BIVM: variants seen among roughly 807,000 people sequenced by gnomAD.
The protein encoded by BIVM is basic, immunoglobulin-like variable motif containing, also known as basic immunoglobulin-like variable motif-containing protein.
Under a neutral mutation model 61.4 loss-of-function variants are expected in BIVM, and 31 were observed. The ratio of observed to expected loss-of-function variants is 0.51; its 90% CI spans 0.38 to 0.68. BIVM has a LOEUF of 0.68. Among genes scored for constraint, BIVM ranks in the 30% least tolerant of loss-of-function variants. BIVM has a pLI of 0.00. For synonymous variants in BIVM, 189 were observed against 210.7 expected (o/e 0.90, Z 0.89); for missense variants, 526 against 596.0 (o/e 0.88, Z 1.22).
chr13:102,831,483 T>G, intron 7 of BIVM, 82 bp from the exon 8 acceptor site: 1 of 1,572,980 alleles, frequency 6.4e-7, no homozygotes, highest in South Asian at 1.2e-5. Flanking sequence ...TTTCTGTCCT[T>G]AAGCCCTTAA....
intron 9 of BIVM, among the ~76,000 whole-genome samples, chr13:102,835,206 C>T (rs1345501473): frequency 2.6e-5 from 4 of 151,992 alleles, no homozygotes; most frequent in Non-Finnish European, 5.9e-5. Context: ...TAGTGAGACC[C>T]TGTCTCTACA....
chr13:102,819,887 A>T (rs771727702), intron 4 of BIVM, among the ~76,000 whole-genome samples: 37 of 152,124 alleles, frequency 2.4e-4, no homozygotes, highest in Non-Finnish European at 4.1e-4. Context: ...TAATTTTTAG[A>T]CCACACTAAA....
chr13:102,838,871 C>T, intron 10 of BIVM, 132 bp downstream of exon 10: 5 of 871,196 alleles, frequency 5.7e-6, no homozygotes, highest in Non-Finnish European at 8.4e-6. Flanking sequence ...TTTAAGGACA[C>T]ACGGCTGTCT....
intron 4 of BIVM, among the ~76,000 whole-genome samples, chr13:102,818,647 C>G (rs1880036576): frequency 6.6e-6 from 1 of 152,100 alleles, no homozygotes; most frequent in African/African-American, 2.4e-5. Flanking sequence ...GGGAGAAATG[C>G]CCTGAGGGGA....
rs71292825 is a variant in BIVM at position 102,809,787 on chromosome 13, CT to C, written c.478+2056del. 7.9e-4 allele frequency among the ~76,000 whole-genome samples: 100 copies of C among 127,318 alleles called. 1 individual carries two copies. The highest frequency in any genetic ancestry group is 2.4e-3 in the African/African-American group (84 of 35,532). 83.5% of individuals were successfully genotyped at this position (127,318 alleles called of 152,430 possible). The stretch of plus-strand genomic sequence containing the variant: ...AAATCTCTTTCCTTTTCTTTTCTTT[CT>C]TTTTTTTTTTTTTCTGAGACAGAGT... On this transcript the variant is annotated intron_variant, in intron 3 of 10. Coordinates refer to ENST00000257336, the MANE Select transcript of BIVM (RefSeq NM_017693.4).
At chr13:102,820,815 AACTGGCAGTTAGTCAT>A in intron 4 of BIVM, 1 of 474,026 alleles carries the variant, frequency 2.1e-6, no homozygotes, top group Non-Finnish European at 3.7e-6. Flanking sequence ...CATCCACTTT[AACTGGCAGTTAGTCAT>A]ACTTAGCTAT....
chr13:102,803,318 C>A (rs374378316), intron 1 of BIVM, among the ~76,000 whole-genome samples: 1 of 151,980 alleles, frequency 6.6e-6, no homozygotes, highest in African/African-American at 2.4e-5. Context: ...GCCTGGCCAA[C>A]GTGGTGAAAC....
intron 9 of BIVM, among the ~76,000 whole-genome samples, chr13:102,838,125 A>AT (rs78185379): frequency 1.3e-5 from 2 of 152,258 alleles, no homozygotes; most frequent in Non-Finnish European, 1.5e-5. Flanking sequence ...TTGTAAATTG[A>AT]TTTTTTTAAA....
intron 10 of BIVM, 99 bp from the exon 11 acceptor site, chr13:102,839,473 G>C (rs902811638): frequency 1.4e-6 from 2 of 1,459,396 alleles, no homozygotes; most frequent in African/African-American, 2.8e-5. Context: ...TTCTGAGGCC[G>C]GTGAAGTAAA....
At chr13:102,830,817 C>T (rs1355240982) in intron 7 of BIVM, among the ~76,000 whole-genome samples, 1 of 152,126 alleles carries the variant, frequency 6.6e-6, no homozygotes, top group Non-Finnish European at 1.5e-5. Context: ...CTAACAGGCC[C>T]CCATCTCACA....
chr13:102,800,214 C>T (rs1878655307), intron 1 of BIVM, among the ~76,000 whole-genome samples: 1 of 152,224 alleles, frequency 6.6e-6, no homozygotes, highest in Admixed American at 6.5e-5. Flanking sequence ...ATCGGAGCCC[C>T]AGCTCTTAGC....
intron 1 of BIVM, among the ~76,000 whole-genome samples, chr13:102,801,245 ATTTTTT>A (rs34160315): frequency 7.0e-6 from 1 of 142,382 alleles, no homozygotes; most frequent in African/African-American, 2.7e-5. Flanking sequence ...TTAGTAGTAA[ATTTTTT>A]TTTTTTTTTT....
intron 3 of BIVM, among the ~76,000 whole-genome samples, chr13:102,810,219 A>G (rs1160297740): frequency 1.3e-5 from 2 of 152,116 alleles, no homozygotes; most frequent in Non-Finnish European, 1.5e-5. Flanking sequence ...GAAATCATAT[A>G]GTATTTGTCT....
intron 5 of BIVM, 142 bp from the exon 6 acceptor site, chr13:102,821,601 C>G (rs1880290428): frequency 1.4e-6 from 1 of 696,366 alleles, no homozygotes; most frequent in Non-Finnish European, 2.1e-6. Flanking sequence ...GAACCTGTCT[C>G]TAAAAAAATA....
At chr13:102,839,525 A>G (rs1404000002) in intron 10 of BIVM, 47 bp from the exon 11 acceptor site, 1 of 1,597,788 alleles carries the variant, frequency 6.3e-7, no homozygotes, top group Non-Finnish European at 8.5e-7. Flanking sequence ...AAATTAGTAC[A>G]ATTAATTTCC....
At chr13:102,827,798 C>A (rs145025235) in intron 7 of BIVM, among the ~76,000 whole-genome samples, 10 of 152,276 alleles carry the variant, frequency 6.6e-5, no homozygotes, top group Non-Finnish European at 1.5e-4. Flanking sequence ...CGACATTACA[C>A]GTTACCCTAT....
intron 1 of BIVM, among the ~76,000 whole-genome samples, chr13:102,802,485 A>AT (rs1028999501): frequency 5.9e-5 from 9 of 152,202 alleles, no homozygotes; most frequent in Admixed American, 5.2e-4. Flanking sequence ...GGTACTTTGC[A>AT]TTTTTTTGTA....
At chr13:102,817,543 G>A (rs1406864957) in intron 4 of BIVM, among the ~76,000 whole-genome samples, 1 of 152,186 alleles carries the variant, frequency 6.6e-6, no homozygotes, top group Admixed American at 6.5e-5. Flanking sequence ...GTAATCAGTA[G>A]AGTGACAGAG....
chr13:102,838,266 T>A (rs570110391), intron 9 of BIVM, among the ~76,000 whole-genome samples: 2 of 152,390 alleles, frequency 1.3e-5, no homozygotes, highest in East Asian at 3.9e-4. Flanking sequence ...TTGGATTTTC[T>A]GCACAATTGT....
Sources: gnomAD v4.1 joint callset for allele counts (sites outside exome capture counted in the v4.1 genomes callset) on GRCh38, gnomAD v4.1.1 for gene constraint, MANE v1.5 for transcripts, NCBI Gene and HGNC (gene_info 2026-07-23, HGNC 2026-07-21) for gene names.